PXDNL: variants seen among roughly 807,000 people sequenced by gnomAD.
The protein encoded by PXDNL is peroxidasin like.
A neutral mutation model predicts 150.8 loss-of-function variants in PXDNL; 145 were observed. The ratio of observed to expected loss-of-function variants is 0.96; its 90% CI spans 0.84 to 1.10. The LOEUF is 1.10. PXDNL is among the 50% of genes least tolerant of loss of function. The probability of loss-of-function intolerance (pLI) is 0.00; values close to 1 mark genes in which losing one functional copy is unlikely to be tolerated. For synonymous variants in PXDNL, 757 were observed against 725.7 expected (o/e 1.04, Z -0.69); for missense variants, 2,087 against 1,873.9 (o/e 1.11, Z -2.10).
chr8:51,752,426 T>C (rs1402142533), intron 1 of PXDNL, among the ~76,000 whole-genome samples: 1 of 152,214 alleles, frequency 6.6e-6, no homozygotes, highest in Non-Finnish European at 1.5e-5. Context: ...GGTGGGCTTT[T>C]GTTACATTCC....
rs184689524 is a variant in PXDNL at position 51,666,487 on chromosome 8, C to T, written c.165-11727G>A. On this transcript the variant is annotated intron_variant, in intron 1 of 22. Transcript: ENST00000356297. ...ACATGCATATATCCATATACATACACATAAACCAAATCTTTCCCTTTCTCT... is the reference window on the plus strand; with the variant it reads ...ACATGCATATATCCATATACATACATATAAACCAAATCTTTCCCTTTCTCT... 3.2e-3 allele frequency among the ~76,000 whole-genome samples: 482 copies of T among 152,292 alleles called. 10 individuals are homozygous for T. The highest frequency in any genetic ancestry group is 4.8e-3 in the East Asian group (25 of 5,184).
At chr8:51,685,390 A>C (rs1338012572) in intron 1 of PXDNL, among the ~76,000 whole-genome samples, 4 of 152,176 alleles carry the variant, frequency 2.6e-5, no homozygotes, top group Non-Finnish European at 5.9e-5. Flanking sequence ...CATGTTCCCC[A>C]ATTACTATGG....
At chr8:51,335,959 A>T (rs1368932114) in intron 21 of PXDNL, among the ~76,000 whole-genome samples, 1 of 152,192 alleles carries the variant, frequency 6.6e-6, no homozygotes, top group Non-Finnish European at 1.5e-5. Flanking sequence ...AAAAATCATC[A>T]TTCCTAGACA....
In PXDNL at chr8:51,319,962, A is replaced by G; in HGVS notation, c.4321T>C (p.Leu1441=). 6.3e-7 allele frequency: 1 copy of G among 1,580,972 alleles called. No homozygotes were observed. Among genetic ancestry groups the G allele is most frequent in the Non-Finnish European group, 8.6e-7 (1 of 1,164,428 alleles). Residue 1441 remains leucine (L), a synonymous_variant, in exon 23 of 23, where the codon TTG becomes CTG. Transcript: ENST00000356297. ...CPPAPCPSPE[L]VKGTCCPVCR... ...ACTGGACAGCAGGTTCCTTTCACCA[A>G]TTCAGGACTGGGACAGGGAGCCGGG...
chr8:51,762,708 A>T (rs1338536780), intron 1 of PXDNL, among the ~76,000 whole-genome samples: 1 of 152,210 alleles, frequency 6.6e-6, no homozygotes, highest in Admixed American at 6.5e-5. Context: ...TTCCTAAGAT[A>T]TATGAAACAA....
intron 16 of PXDNL, among the ~76,000 whole-genome samples, chr8:51,410,715 A>G (rs1808608373): frequency 6.6e-6 from 1 of 152,238 alleles, no homozygotes; most frequent in Admixed American, 6.5e-5. Context: ...AGCTTTCTAT[A>G]TCATCTCATT....
chr8:51,636,123 G>A (rs189961840), intron 2 of PXDNL, among the ~76,000 whole-genome samples: 9 of 152,112 alleles, frequency 5.9e-5, no homozygotes, highest in East Asian at 5.8e-4. Flanking sequence ...CAAATGATAC[G>A]TAAAAAGTAT....
intron 1 of PXDNL, among the ~76,000 whole-genome samples, chr8:51,664,747 G>A (rs1466078379): frequency 6.6e-6 from 1 of 152,076 alleles, no homozygotes; most frequent in Non-Finnish European, 1.5e-5. Flanking sequence ...GCAGGAGTGA[G>A]ATGCGCTCCC....
In PXDNL at chr8:51,448,873, G is replaced by A. The variant is rs536739707; in HGVS notation, c.1366+129C>T. On this transcript the variant is annotated intron_variant, in intron 11 of 22. Transcript: ENST00000356297. Reference sequence around the variant, plus strand: ...ATGATGATGTCATATTTAGATCAAAGATTATTTTCTGTGTAATTTTTTCAT... The same window carrying A: ...ATGATGATGTCATATTTAGATCAAAAATTATTTTCTGTGTAATTTTTTCAT... The A allele has an allele frequency of 7.2e-6, 5 of 697,706 alleles. No individual in the cohort carries two copies. In the African/African-American group the frequency reaches 8.9e-5, roughly 12 times the overall value. 43.2% of individuals were successfully genotyped at this position (697,706 alleles called of 1,614,324 possible).
chr8:51,642,723 A>C (rs1253940927), intron 2 of PXDNL, among the ~76,000 whole-genome samples: 1 of 152,218 alleles, frequency 6.6e-6, no homozygotes, highest in Non-Finnish European at 1.5e-5. Flanking sequence ...AATAAAGGGT[A>C]TTCAATTAGG....
intron 13 of PXDNL, among the ~76,000 whole-genome samples, chr8:51,424,228 G>A (rs976893998): frequency 1.3e-5 from 2 of 152,016 alleles, no homozygotes; most frequent in Non-Finnish European, 2.9e-5. Context: ...AGTCAGCCAG[G>A]CATGGTAGTG....
At chr8:51,408,031 G>T in intron 17 of PXDNL, 36 bp downstream of exon 17, 1 of 1,542,696 alleles carries the variant, frequency 6.5e-7, no homozygotes, top group South Asian at 1.3e-5. Context: ...CCTCTCCTAA[G>T]AAATGTTTAA....
At chr8:51,402,281 G>A (rs1287960416) in intron 17 of PXDNL, among the ~76,000 whole-genome samples, 3 of 152,166 alleles carry the variant, frequency 2.0e-5, no homozygotes, top group Non-Finnish European at 4.4e-5. Flanking sequence ...TGTAATCCCA[G>A]TACTTTGGGA....
intron 17 of PXDNL, among the ~76,000 whole-genome samples, chr8:51,388,727 A>G (rs1387573350): frequency 6.6e-6 from 1 of 151,860 alleles, no homozygotes; most frequent in Admixed American, 6.6e-5. Flanking sequence ...TTTTCTCCCT[A>G]TCTCTAAATC....
intron 2 of PXDNL, among the ~76,000 whole-genome samples, chr8:51,622,756 T>C (rs979246069): frequency 3.9e-5 from 6 of 152,180 alleles, no homozygotes; most frequent in African/African-American, 1.4e-4. Context: ...TTAAGTGTAC[T>C]AATTTATTTC....
chr8:51,327,523 A>G (rs558001956), intron 21 of PXDNL, among the ~76,000 whole-genome samples: 1 of 152,386 alleles, frequency 6.6e-6, no homozygotes, highest in African/African-American at 2.4e-5. Flanking sequence ...TTGTAACTAC[A>G]TAAGCTTGAA....
At chr8:51,620,178 C>CA (rs1316357715) in intron 2 of PXDNL, among the ~76,000 whole-genome samples, 1 of 152,068 alleles carries the variant, frequency 6.6e-6, no homozygotes, top group Admixed American at 6.5e-5. Context: ...GTTGTAAAGA[C>CA]AAATTTGGAT....
At chr8:51,341,091 G>T (rs1350151934) in intron 20 of PXDNL, among the ~76,000 whole-genome samples, 1 of 152,224 alleles carries the variant, frequency 6.6e-6, no homozygotes, top group African/African-American at 2.4e-5. Flanking sequence ...TATGGGCCAT[G>T]CATCAGGCAT....
intron 1 of PXDNL, among the ~76,000 whole-genome samples, chr8:51,758,642 C>T (rs2037128784): frequency 6.6e-6 from 1 of 152,144 alleles, no homozygotes; most frequent in Non-Finnish European, 1.5e-5. Flanking sequence ...GTTTTATAAA[C>T]GTTTGGTAGT....
Sources: gnomAD v4.1 joint callset for allele counts (sites outside exome capture counted in the v4.1 genomes callset) on GRCh38, gnomAD v4.1.1 for gene constraint, MANE v1.5 for transcripts, NCBI Gene and HGNC (gene_info 2026-07-23, HGNC 2026-07-21) for gene names.